Variants in ZBTB20 observed in about 807,000 individuals in gnomAD.
ZBTB20 encodes the protein zinc finger and BTB domain containing 20.
Under a neutral mutation model 56.9 loss-of-function variants are expected in ZBTB20, and 9 were observed. That is an observed-to-expected ratio of 0.16 (90% CI 0.10 to 0.28). The LOEUF (loss-of-function observed/expected upper bound fraction) is 0.28, where lower values mean the gene tolerates loss of function less well. Among genes scored for constraint, ZBTB20 ranks in the 10% least tolerant of loss-of-function variants. ZBTB20 has a pLI of 1.00. For missense variants in ZBTB20, 655 were observed against 1,003.0 expected, an observed-to-expected ratio of 0.65 and a Z score of 4.69; for synonymous variants, 417 against 420.7, an observed-to-expected ratio of 0.99 and a Z score of 0.11.
intron 1 of ZBTB20, among the ~76,000 whole-genome samples, chr3:115,103,818 C>T (rs563932725): frequency 4.6e-4 from 70 of 152,190 alleles, no homozygotes; most frequent in Non-Finnish European, 5.0e-4. Flanking sequence ...ACACCAAAGA[C>T]ATAATCCATG....
chr3:114,633,177 T>C (rs569850382), intron 6 of ZBTB20, among the ~76,000 whole-genome samples: 32 of 152,314 alleles, frequency 2.1e-4, no homozygotes, highest in Non-Finnish European at 3.8e-4. Flanking sequence ...CAAGAACTGA[T>C]GCAAAGTTTC....
intron 7 of ZBTB20, among the ~76,000 whole-genome samples, chr3:114,398,258 G>A (rs981937155): frequency 2.0e-5 from 3 of 152,108 alleles, no homozygotes; most frequent in African/African-American, 7.2e-5. Context: ...TAGCGAGGGT[G>A]TACATCCTCT....
intron 1 of ZBTB20, among the ~76,000 whole-genome samples, chr3:115,123,840 G>A (rs2084249553): frequency 6.6e-6 from 1 of 152,168 alleles, no homozygotes; most frequent in African/African-American, 2.4e-5. Flanking sequence ...CAGGACTGAG[G>A]AGAGGCTGGG....
intron 2 of ZBTB20, among the ~76,000 whole-genome samples, chr3:114,995,692 T>G (rs975016230): frequency 6.6e-6 from 1 of 151,896 alleles, no homozygotes; most frequent in African/African-American, 2.4e-5. Context: ...CATAGTATGA[T>G]AGAACATAAC....
At chr3:114,565,114 T>C (rs777659936) in intron 6 of ZBTB20, among the ~76,000 whole-genome samples, 5 of 152,214 alleles carry the variant, frequency 3.3e-5, no homozygotes, top group Non-Finnish European at 7.3e-5. Flanking sequence ...TTTATGCTGA[T>C]AACACTAAAA....
chr3:114,707,860 G>C (rs1481093450), intron 5 of ZBTB20, among the ~76,000 whole-genome samples: 1 of 152,180 alleles, frequency 6.6e-6, no homozygotes. Context: ...GTATCCTGTA[G>C]TCTGCTGGCA....
intron 6 of ZBTB20, among the ~76,000 whole-genome samples, chr3:114,653,174 G>T (rs950272852): frequency 2.6e-5 from 4 of 151,868 alleles, no homozygotes; most frequent in Non-Finnish European, 4.4e-5. Context: ...GAACAACGCT[G>T]AACAGAAGTA....
chr3:114,576,097 T>C (rs539599406), intron 6 of ZBTB20, among the ~76,000 whole-genome samples: 1 of 152,312 alleles, frequency 6.6e-6, no homozygotes, highest in South Asian at 2.1e-4. Context: ...TCAACCAATA[T>C]TTATTAAGCA....
At chr3:114,452,263 T>C (rs1196661390) in intron 7 of ZBTB20, among the ~76,000 whole-genome samples, 1 of 152,150 alleles carries the variant, frequency 6.6e-6, no homozygotes, top group Non-Finnish European at 1.5e-5. Context: ...TGACATTCTT[T>C]TTAAAAGTAT....
chr3:115,022,404 T>C (rs1209737075), intron 2 of ZBTB20, among the ~76,000 whole-genome samples: 2 of 151,050 alleles, frequency 1.3e-5, no homozygotes, highest in African/African-American at 4.8e-5. Flanking sequence ...GCTCTAAATA[T>C]TGCACAATGT....
At chr3:114,547,077 T>G (rs148505291) in intron 6 of ZBTB20, among the ~76,000 whole-genome samples, 1 of 152,272 alleles carries the variant, frequency 6.6e-6, no homozygotes, top group Non-Finnish European at 1.5e-5. Context: ...AAAGCTCTTG[T>G]TCATTCCATT....
intron 7 of ZBTB20, among the ~76,000 whole-genome samples, chr3:114,496,052 A>C (rs987287330): frequency 5.9e-5 from 9 of 152,164 alleles, no homozygotes; most frequent in Non-Finnish European, 1.2e-4. Context: ...GACATTTACA[A>C]GGATCTTATA....
intron 5 of ZBTB20, among the ~76,000 whole-genome samples, chr3:114,697,446 G>A (rs578097698): frequency 2.0e-5 from 3 of 152,044 alleles, no homozygotes; most frequent in African/African-American, 7.2e-5. Context: ...GCAGCCTAGG[G>A]CAACTAGAAA....
At chr3:114,592,807 T>C (rs1407409177) in intron 6 of ZBTB20, among the ~76,000 whole-genome samples, 3 of 152,212 alleles carry the variant, frequency 2.0e-5, no homozygotes, top group African/African-American at 7.2e-5. Context: ...GTTTTGTTTA[T>C]ATAATATTTT....
intron 3 of ZBTB20, among the ~76,000 whole-genome samples, chr3:114,935,766 C>T (rs2076512525): frequency 6.6e-6 from 1 of 152,188 alleles, no homozygotes; most frequent in Admixed American, 6.5e-5. Flanking sequence ...TGGTTTTAAG[C>T]ACCTCTTACC....
At chr3:114,780,520 G>A (rs1055001804) in intron 5 of ZBTB20, among the ~76,000 whole-genome samples, 4 of 152,046 alleles carry the variant, frequency 2.6e-5, no homozygotes, top group Non-Finnish European at 4.4e-5. Flanking sequence ...ACGGAGTCTC[G>A]TTCTGTTGCC....
intron 6 of ZBTB20, among the ~76,000 whole-genome samples, chr3:114,683,053 G>A (rs2062081494): frequency 6.6e-6 from 1 of 152,032 alleles, no homozygotes; most frequent in Non-Finnish European, 1.5e-5. Flanking sequence ...TTTTCAGAGA[G>A]AAATATAGCT....
intron 3 of ZBTB20, among the ~76,000 whole-genome samples, chr3:114,967,624 T>C (rs949780496): frequency 1.5e-4 from 23 of 152,122 alleles, no homozygotes; most frequent in African/African-American, 5.6e-4. Context: ...TAGATTCAAA[T>C]GGTAATAAAG....
intron 4 of ZBTB20, 146 bp from the exon 5 acceptor site, chr3:114,801,320 TTC>T: frequency 6.7e-6 from 1 of 148,802 alleles, no homozygotes; most frequent in African/African-American, 2.4e-5. Context: ...TTTTTTTTTT[TTC>T]TGTTAAGGAA....
Sources: gnomAD v4.1 joint callset for allele counts (sites outside exome capture counted in the v4.1 genomes callset) on GRCh38, gnomAD v4.1.1 for gene constraint, MANE v1.5 for transcripts, NCBI Gene and HGNC (gene_info 2026-07-23, HGNC 2026-07-21) for gene names.